CCDC32: variants seen among roughly 807,000 people sequenced by gnomAD.
The protein encoded by CCDC32 is coiled-coil domain-containing protein 32.
Under a neutral mutation model 20.1 loss-of-function variants are expected in CCDC32, and 9 were observed. That is an observed-to-expected ratio of 0.45 (90% CI 0.27 to 0.78). CCDC32 has a LOEUF of 0.78. Ranked by LOEUF, CCDC32 falls within the 30% of genes least tolerant of loss-of-function variation. The probability of loss-of-function intolerance (pLI) is 0.16; values close to 1 mark genes in which losing one functional copy is unlikely to be tolerated. For missense variants in CCDC32, 204 were observed against 215.5 expected, an observed-to-expected ratio of 0.95 and a Z score of 0.33; for synonymous variants, 63 against 79.0, an observed-to-expected ratio of 0.80 and a Z score of 1.07.
intron 3 of CCDC32, among the ~76,000 whole-genome samples, chr15:40,545,094 T>C (rs1031518611): frequency 3.9e-5 from 6 of 152,224 alleles, no homozygotes; most frequent in Non-Finnish European, 8.8e-5. Flanking sequence ...TTTGGGATGA[T>C]TGTTCTAACA....
chr15:40,539,299 T>C, exon 4 of CCDC32: 1 of 1,535,568 alleles, frequency 6.5e-7, no homozygotes. Context: ...CTGGTGGCTG[T>C]CCCACGCTCC....
downstream of CCDC32, chr15:40,535,250 G>C (rs1889061702): frequency 1.4e-6 from 2 of 1,387,826 alleles, no homozygotes; most frequent in Non-Finnish European, 1.9e-6. Context: ...GTCTACATGA[G>C]AGGCAATGAC....
At chr15:40,538,922 A>G (rs1018371666), downstream of CCDC32, 2 of 386,062 alleles carry the variant, frequency 5.2e-6, no homozygotes, top group South Asian at 3.2e-5. Context: ...AGCGCTGCCA[A>G]CTGGGGGCCT....
chr15:40,524,759 T>C (rs1030258697), downstream of CCDC32, among the ~76,000 whole-genome samples: 2 of 93,810 alleles, frequency 2.1e-5, no homozygotes, highest in Non-Finnish European at 5.0e-5. Flanking sequence ...TTTTTTTTTT[T>C]TTTTTTTTTG....
intron 1 of CCDC32, among the ~76,000 whole-genome samples, chr15:40,563,696 AC>A: frequency 6.6e-6 from 1 of 152,090 alleles, no homozygotes. Flanking sequence ...ACACACACAC[AC>A]ACACACACAC....
intron 3 of CCDC32, among the ~76,000 whole-genome samples, chr15:40,544,979 A>C (rs1002166985): frequency 1.3e-5 from 2 of 152,206 alleles, no homozygotes; most frequent in Non-Finnish European, 2.9e-5. Flanking sequence ...CACTTTTGAT[A>C]AGGTTACCTT....
At chr15:40,543,923 G>T (rs1246212756) in intron 3 of CCDC32, among the ~76,000 whole-genome samples, 1 of 152,120 alleles carries the variant, frequency 6.6e-6, no homozygotes, top group East Asian at 1.9e-4. Flanking sequence ...AGGTACACAG[G>T]TACATTTCCA....
chr15:40,522,906 A>G, the CCDC32 span, among the ~76,000 whole-genome samples: 1 of 147,542 alleles, frequency 6.8e-6, no homozygotes, highest in Non-Finnish European at 1.5e-5. Flanking sequence ...CACTCACTGC[A>G]ACTTCGGTCT....
intron 1 of CCDC32, among the ~76,000 whole-genome samples, chr15:40,564,277 T>G (rs1890873836): frequency 1.3e-5 from 2 of 152,336 alleles, no homozygotes; most frequent in South Asian, 4.1e-4. Context: ...TCTCATGCTC[T>G]TATTTTAATA....
exon 4 of CCDC32, chr15:40,539,310 A>G (rs1280794758): frequency 3.9e-6 from 6 of 1,535,646 alleles, no homozygotes; most frequent in Non-Finnish European, 3.5e-6. Context: ...CCCACGCTCC[A>G]TCCTCAGAAA....
chr15:40,539,573 C>T (rs1409021284), intron 3 of CCDC32, among the ~76,000 whole-genome samples: 2 of 152,092 alleles, frequency 1.3e-5, no homozygotes, highest in Non-Finnish European at 2.9e-5. Context: ...AACGGAGGCA[C>T]AGGGGACACG....
chr15:40,554,243 A>G (rs374451887), intron 3 of CCDC32, 116 bp from the exon 4 acceptor site: 158 of 1,398,810 alleles, frequency 1.1e-4, no homozygotes, highest in African/African-American at 2.3e-4. Context: ...TCTTCCTACA[A>G]TTGTTTTTCA....
chr15:40,542,562 T>C (rs1381411062), intron 3 of CCDC32, among the ~76,000 whole-genome samples: 1 of 152,192 alleles, frequency 6.6e-6, no homozygotes, highest in Non-Finnish European at 1.5e-5. Context: ...GGCATTCCTG[T>C]GGCAAGGTCA....
intron 1 of CCDC32, 90 bp from the exon 2 acceptor site, chr15:40,563,117 C>G: frequency 1.4e-6 from 2 of 1,435,862 alleles, no homozygotes; most frequent in South Asian, 1.3e-5. Flanking sequence ...AATCCCAACA[C>G]TTTGGGAAGC....
chr15:40,560,993 A>G (rs990263728), intron 2 of CCDC32, among the ~76,000 whole-genome samples: 5 of 152,238 alleles, frequency 3.3e-5, no homozygotes, highest in African/African-American at 9.6e-5. Flanking sequence ...GATAAAGAAA[A>G]TATGGAATAT....
At position 40,557,230 on chromosome 15, in the gene CCDC32, A is replaced by G. The variant is rs1890304325; in HGVS notation, c.387T>C (p.Leu129=). 4 of 1,613,150 alleles carry G rather than the reference A, an allele frequency of 2.5e-6. No homozygotes were observed. Among genetic ancestry groups the G allele is most frequent in the Non-Finnish European group, 3.4e-6 (4 of 1,179,700 alleles). The change falls in exon 3 of 4, where the codon CTT becomes CTC. Residue 129 remains leucine (L), a synonymous_variant. Transcript: ENST00000416810. ...GAATCGATTACCTCTCATCAGAATC[A>G]AGTCCATCCACAAAGAACTCTGAAG... ...KLASEFFVDG[L]DSDESTLEHF... is the part of the protein sequence containing the mutation.
downstream of CCDC32, among the ~76,000 whole-genome samples, chr15:40,528,013 T>G (rs1266368974): frequency 1.3e-5 from 2 of 152,244 alleles, no homozygotes; most frequent in African/African-American, 2.4e-5. Context: ...CTATCTTCAG[T>G]AATTTTGTCA....
chr15:40,559,556 A>G (rs9806410), intron 2 of CCDC32, among the ~76,000 whole-genome samples: 46,188 of 152,040 alleles, frequency 0.3, 7,275 homozygotes, highest in Middle Eastern at 0.39. Flanking sequence ...AAGCATTGCT[A>G]TCCTATCTTT....
At chr15:40,530,087 T>G (rs1461881739), downstream of CCDC32, among the ~76,000 whole-genome samples, 1 of 150,190 alleles carries the variant, frequency 6.7e-6, no homozygotes, top group East Asian at 2.0e-4. Flanking sequence ...AGGTCAGGAG[T>G]TCGAGACCAG....
Sources: allele counts gnomAD v4.1 joint callset (sites outside exome capture counted in the v4.1 genomes callset), GRCh38; gene constraint gnomAD v4.1.1; transcripts MANE v1.5; gene names NCBI Gene and HGNC (gene_info 2026-07-23, HGNC 2026-07-21).